GNPAT: variants seen among roughly 807,000 people sequenced by gnomAD.
GNPAT encodes dihydroxyacetone phosphate acyltransferase.
In GNPAT, 30 loss-of-function variants were observed where a neutral mutation model predicts 78.4. The observed-to-expected ratio is 0.38, with a 90% CI of 0.29 to 0.52. The LOEUF (loss-of-function observed/expected upper bound fraction) is 0.52, where lower values mean the gene tolerates loss of function less well. Among genes scored for constraint, GNPAT ranks in the 20% least tolerant of loss-of-function variants. The pLI, the probability that GNPAT is intolerant of heterozygous loss-of-function variation, is 0.84. For synonymous variants in GNPAT, 271 were observed against 281.1 expected, an observed-to-expected ratio of 0.96 and a Z score of 0.36; for missense variants, 714 against 812.2, an observed-to-expected ratio of 0.88 and a Z score of 1.47.
intron 1 of GNPAT, among the ~76,000 whole-genome samples, chr1:231,250,381 A>G (rs1684860516): frequency 6.6e-6 from 1 of 152,164 alleles, no homozygotes; most frequent in Non-Finnish European, 1.5e-5. Context: ...AGTGAGCTAT[A>G]TAATGGTGGC....
At chr1:231,268,424 G>T (rs1417233917) in intron 9 of GNPAT, among the ~76,000 whole-genome samples, 1 of 152,126 alleles carries the variant, frequency 6.6e-6, no homozygotes, top group African/African-American at 2.4e-5. Context: ...ACGAGACTCT[G>T]AATATCTTGA....
intron 2 of GNPAT, among the ~76,000 whole-genome samples, chr1:231,254,828 TG>T (rs1357492966): frequency 4.0e-5 from 6 of 151,814 alleles, no homozygotes; most frequent in African/African-American, 1.2e-4. Flanking sequence ...CTCGGTTCAC[TG>T]CAATCTCCGC....
At chr1:231,249,995 C>T (rs1684847783) in intron 1 of GNPAT, among the ~76,000 whole-genome samples, 1 of 151,882 alleles carries the variant, frequency 6.6e-6, no homozygotes, top group Non-Finnish European at 1.5e-5. Context: ...ACCTGTAATC[C>T]CAGCACTTTG....
intron 4 of GNPAT, among the ~76,000 whole-genome samples, chr1:231,263,321 C>T (rs1306357869): frequency 6.6e-6 from 1 of 152,202 alleles, no homozygotes; most frequent in Non-Finnish European, 1.5e-5. Context: ...CAGAACTCTT[C>T]ATCTTGCAAA....
At chr1:231,269,140 G>T (rs1685478868) in intron 9 of GNPAT, among the ~76,000 whole-genome samples, 1 of 152,108 alleles carries the variant, frequency 6.6e-6, no homozygotes, top group Non-Finnish European at 1.5e-5. Context: ...AGTTGTGAGG[G>T]TTCAGTGAAC....
chr1:231,249,214 T>C (rs1160767553), intron 1 of GNPAT, among the ~76,000 whole-genome samples: 1 of 152,224 alleles, frequency 6.6e-6, no homozygotes, highest in South Asian at 2.1e-4. Context: ...TTTCCAGCCT[T>C]ATAAGCAAGA....
At chr1:231,254,281 C>T (rs946102056) in intron 2 of GNPAT, among the ~76,000 whole-genome samples, 1 of 152,162 alleles carries the variant, frequency 6.6e-6, no homozygotes, top group Admixed American at 6.5e-5. Flanking sequence ...AATTAGGCAG[C>T]ACAACTGGGC....
chr1:231,273,540 C>T (rs909898911), intron 11 of GNPAT, among the ~76,000 whole-genome samples: 1 of 152,038 alleles, frequency 6.6e-6, no homozygotes, highest in South Asian at 2.1e-4. Context: ...CGTGAGCCAC[C>T]GCGCCCAGCC....
Position 231,266,065 on chromosome 1 carries a change from C to T in GNPAT, c.824C>T (p.Thr275Ile), listed in dbSNP as rs1685375899. 6.2e-7 allele frequency: 1 copy of T among 1,610,844 alleles called. No homozygotes were observed. Among genetic ancestry groups the T allele is most frequent in the African/African-American group, 1.3e-5 (1 of 74,842 alleles). ...TTTTTTAAAAGAGAAGTTTTTGATA[C>T]CTACCTTGTCCCAATTAGTATCAGT... ...EPFFKREVFD[T>I]YLVPISISYD... Residue 275 changes from threonine to isoleucine, a missense_variant, in exon 7 of 16, where the codon ACC becomes ATC. Physicochemically the swap from Thr to Ile is moderately conservative, Grantham distance 89. Transcript: ENST00000366647.
At chr1:231,248,579 AACTT>A (rs1202259337) in intron 1 of GNPAT, among the ~76,000 whole-genome samples, 2 of 151,876 alleles carry the variant, frequency 1.3e-5, no homozygotes, top group African/African-American at 4.9e-5. Flanking sequence ...AAAAAAAAAA[AACTT>A]AAATGTAAAA....
intron 12 of GNPAT, 132 bp downstream of exon 12, chr1:231,274,194 C>T (rs2102827084): frequency 1.2e-6 from 1 of 825,716 alleles, no homozygotes; most frequent in Admixed American, 1.8e-5. Flanking sequence ...GAGAGAGTGA[C>T]TAATACGATC....
intron 1 of GNPAT, among the ~76,000 whole-genome samples, chr1:231,248,410 C>T (rs750062749): frequency 8.6e-5 from 13 of 151,706 alleles, no homozygotes; most frequent in Non-Finnish European, 1.2e-4. Context: ...TTGGATTTGC[C>T]CTCTCAGGAG....
chr1:231,255,352 T>G (rs530494916), intron 2 of GNPAT, among the ~76,000 whole-genome samples: 1 of 152,302 alleles, frequency 6.6e-6, no homozygotes, highest in East Asian at 1.9e-4. Flanking sequence ...CTACATCCTT[T>G]AACCCCATGC....
intron 15 of GNPAT, among the ~76,000 whole-genome samples, 180 bp downstream of exon 15, chr1:231,276,376 GA>G (rs553528002): frequency 2.3e-4 from 35 of 152,300 alleles, no homozygotes; most frequent in Non-Finnish European, 1.5e-5. Context: ...AAAGCACAAA[GA>G]AAATTAACAA....
At position 231,267,892 on chromosome 1, in the gene GNPAT, T is replaced by G; in HGVS notation, c.1268T>G (p.Leu423Arg). 6.2e-7 allele frequency: 1 copy of G among 1,600,090 alleles called. No homozygotes were observed. The highest frequency in any genetic ancestry group is 8.6e-7 in the Non-Finnish European group (1 of 1,167,138). Residue 423 changes from leucine (L) to arginine (R), a missense_variant, in exon 9 of 16, where the codon CTC (leucine) becomes CGC (arginine). Leu to Arg is a moderately radical substitution (Grantham distance 102). Transcript: ENST00000366647. ...KGLTQAFGGFLIWPDNKPAEE... is the reference protein window; with the variant it reads ...KGLTQAFGGFRIWPDNKPAEE... ...TTAACCCAGGCATTTGGAGGGTTTC[T>G]CATTTGGCCTGGTATGTAGGTAGGA...
chr1:231,265,175 G>A (rs1001347087), intron 4 of GNPAT, 118 bp from the exon 5 acceptor site: 20 of 823,392 alleles, frequency 2.4e-5, no homozygotes, highest in South Asian at 2.0e-4. Context: ...CCAACATAGC[G>A]AGACCCTGTC....
chr1:231,270,626 AT>A, intron 9 of GNPAT, 131 bp from the exon 10 acceptor site: 1 of 868,090 alleles, frequency 1.2e-6, no homozygotes, highest in Admixed American at 1.7e-5. Context: ...CATTACCGTA[AT>A]TGGTAGACAG....
chr1:231,270,363 G>T (rs1162167792), intron 9 of GNPAT, among the ~76,000 whole-genome samples: 1 of 152,000 alleles, frequency 6.6e-6, no homozygotes, highest in Non-Finnish European at 1.5e-5. Flanking sequence ...ACTAATCATG[G>T]GCCTTTTTCT....
chr1:231,271,991 T>A (rs1384385158), intron 10 of GNPAT, among the ~76,000 whole-genome samples: 1 of 152,120 alleles, frequency 6.6e-6, no homozygotes, highest in African/African-American at 2.4e-5. Context: ...TCCCAGCTAC[T>A]TGGGAGGCTG....
Sources: gnomAD v4.1 joint callset for allele counts (sites outside exome capture counted in the v4.1 genomes callset) on GRCh38, gnomAD v4.1.1 for gene constraint, MANE v1.5 for transcripts, NCBI Gene and HGNC (gene_info 2026-07-23, HGNC 2026-07-21) for gene names.